The following NRXN1 variants were observed in gnomAD, a reference collection of about 807,000 sequenced individuals.
NRXN1 encodes the protein neurexin-1.
In NRXN1, 39 loss-of-function variants were observed where a neutral mutation model predicts 150.9. That is an observed-to-expected ratio of 0.26 (90% CI 0.20 to 0.34). The LOEUF is 0.34. NRXN1 is among the 10% of genes least tolerant of loss of function. The pLI is 1.00. For missense variants in NRXN1, 1,815 were observed against 1,949.9 expected (o/e 0.93, Z 1.30); for synonymous variants, 924 against 757.0 (o/e 1.22, Z -3.62).
intron 2 of NRXN1, among the ~76,000 whole-genome samples, chr2:51,010,175 C>T (rs1434294585): frequency 3.3e-5 from 5 of 151,962 alleles, no homozygotes; most frequent in African/African-American, 1.2e-4. Flanking sequence ...GATAATCCCT[C>T]AAGATGGAGA....
At chr2:50,151,295 C>G (rs1184624304) in intron 18 of NRXN1, among the ~76,000 whole-genome samples, 2 of 151,620 alleles carry the variant, frequency 1.3e-5, no homozygotes, top group Non-Finnish European at 3.0e-5. Flanking sequence ...AGTTACAAAC[C>G]AAACAATTCT....
At chr2:51,030,179 A>G (rs1317033253) in intron 1 of NRXN1, among the ~76,000 whole-genome samples, 1 of 152,122 alleles carries the variant, frequency 6.6e-6, no homozygotes, top group African/African-American at 2.4e-5. Flanking sequence ...CAAATGTATA[A>G]TCTGTTCATG....
chr2:50,446,907 G>T (rs561925788), intron 17 of NRXN1, among the ~76,000 whole-genome samples: 4 of 152,180 alleles, frequency 2.6e-5, no homozygotes, highest in East Asian at 3.9e-4. Context: ...ATTGTGCCTT[G>T]TCTGATTTGA....
intron 9 of NRXN1, among the ~76,000 whole-genome samples, chr2:50,549,917 T>C (rs1299025904): frequency 6.6e-6 from 1 of 152,140 alleles, no homozygotes; most frequent in Non-Finnish European, 1.5e-5. Context: ...TATACATACA[T>C]ATACACATAT....
intron 2 of NRXN1, chr2:50,985,473 A>G (rs1431514555): frequency 2.6e-5 from 4 of 151,860 alleles, no homozygotes; most frequent in African/African-American, 9.7e-5. Flanking sequence ...TTCTGAATCT[A>G]GAATGTTTTA....
chr2:50,416,160 A>G (rs1300522169), intron 17 of NRXN1, among the ~76,000 whole-genome samples: 2 of 152,130 alleles, frequency 1.3e-5, no homozygotes, highest in Non-Finnish European at 2.9e-5. Flanking sequence ...CTATATAATA[A>G]GATCAATTGT....
chr2:50,173,601 T>C (rs1431538116), intron 18 of NRXN1, among the ~76,000 whole-genome samples: 2 of 152,168 alleles, frequency 1.3e-5, no homozygotes, highest in Non-Finnish European at 2.9e-5. Flanking sequence ...TTATATTAAA[T>C]CATGAGGAGG....
intron 17 of NRXN1, among the ~76,000 whole-genome samples, chr2:50,339,440 A>T (rs762228789): frequency 8.5e-5 from 13 of 152,208 alleles, no homozygotes; most frequent in South Asian, 4.1e-4. Context: ...TGACTACAAG[A>T]TTCAAAGAAA....
intron 8 of NRXN1, among the ~76,000 whole-genome samples, chr2:50,560,416 T>TGATG (rs1668881610): frequency 9.7e-6 from 1 of 102,898 alleles, no homozygotes; most frequent in African/African-American, 4.5e-5. Flanking sequence ...CAAAGTAGTC[T>TGATG]GATGTATGTT....
At chr2:50,224,272 C>G (rs946346858) in intron 18 of NRXN1, among the ~76,000 whole-genome samples, 1 of 151,780 alleles carries the variant, frequency 6.6e-6, no homozygotes, top group Non-Finnish European at 1.5e-5. Context: ...GGTTCAAAGA[C>G]AGGCAGTTAT....
intron 18 of NRXN1, among the ~76,000 whole-genome samples, chr2:50,204,426 C>A (rs1178728501): frequency 6.6e-6 from 1 of 151,190 alleles, no homozygotes; most frequent in Non-Finnish European, 1.5e-5. Context: ...AAAATGCTAC[C>A]TTCCAATTCA....
At chr2:50,507,487 C>A (rs544750436) in intron 12 of NRXN1, among the ~76,000 whole-genome samples, 2 of 151,736 alleles carry the variant, frequency 1.3e-5, no homozygotes, top group Admixed American at 6.6e-5. Context: ...ATCGAGTGGG[C>A]AAGAAGTATA....
At chr2:50,920,469 T>A (rs558623222) in intron 5 of NRXN1, among the ~76,000 whole-genome samples, 3 of 151,904 alleles carry the variant, frequency 2.0e-5, no homozygotes, top group African/African-American at 4.8e-5. Flanking sequence ...GTGTATATAC[T>A]TAGAAATTGT....
At chr2:50,938,213 T>A (rs1688833796) in intron 2 of NRXN1, among the ~76,000 whole-genome samples, 1 of 152,146 alleles carries the variant, frequency 6.6e-6, no homozygotes, top group Non-Finnish European at 1.5e-5. Flanking sequence ...TTGTAAACTT[T>A]ATAAACATGG....
chr2:50,172,076 T>C (rs530278872), intron 18 of NRXN1, among the ~76,000 whole-genome samples: 39 of 152,310 alleles, frequency 2.6e-4, no homozygotes, highest in Admixed American at 7.2e-4. Flanking sequence ...AGAATGTTTC[T>C]GCAGGCTCCT....
chr2:50,832,839 A>C (rs1297855046), intron 5 of NRXN1, among the ~76,000 whole-genome samples: 1 of 152,220 alleles, frequency 6.6e-6, no homozygotes, highest in Non-Finnish European at 1.5e-5. Flanking sequence ...GAAGATTTAG[A>C]AATGCTAAAC....
intron 17 of NRXN1, among the ~76,000 whole-genome samples, chr2:50,295,328 C>G (rs750036308): frequency 3.6e-4 from 55 of 152,098 alleles, no homozygotes; most frequent in Non-Finnish European, 6.6e-4. Context: ...AAATCTATCC[C>G]AAGTCCTACA....
intron 5 of NRXN1, among the ~76,000 whole-genome samples, chr2:50,636,076 C>G (rs1018212211): frequency 4.6e-5 from 7 of 152,058 alleles, no homozygotes; most frequent in Admixed American, 1.3e-4. Context: ...CAGAATATCA[C>G]GATGCCCAAC....
chr2:50,889,556 T>C lies in NRXN1; in HGVS notation c.832+32313A>G, dbSNP rs144137735. Reference sequence around the variant, plus strand: ...ACCTCAAATTCAAAATAAGAAGAGGTTGTGGTATAACGTGTACATTATTTT... The same window carrying C: ...ACCTCAAATTCAAAATAAGAAGAGGCTGTGGTATAACGTGTACATTATTTT... On this transcript the variant is annotated intron_variant, in intron 5 of 22. Coordinates refer to ENST00000401669, the MANE Select transcript of NRXN1 (RefSeq NM_001330078.2). Among the ~76,000 whole-genome samples, 298 of 151,810 alleles carry C rather than the reference T, an allele frequency of 2.0e-3. 1 individual carries two copies. The highest frequency in any genetic ancestry group is 7.0e-3 in the African/African-American group (289 of 41,520).
Sources: gnomAD v4.1 joint callset for allele counts (sites outside exome capture counted in the v4.1 genomes callset) on GRCh38, gnomAD v4.1.1 for gene constraint, MANE v1.5 for transcripts, NCBI Gene and HGNC (gene_info 2026-07-23, HGNC 2026-07-21) for gene names.